PUM2: variants seen among roughly 807,000 people sequenced by gnomAD.
PUM2 encodes pumilio RNA binding family member 2, also known as pumilio homolog 2.
A neutral mutation model predicts 124.5 loss-of-function variants in PUM2; 57 were observed. The observed-to-expected ratio is 0.46, with a 90% confidence interval of 0.37 to 0.57. PUM2 has a LOEUF of 0.57. Ranked by LOEUF, PUM2 falls within the 20% of genes least tolerant of loss-of-function variation. The pLI, the probability that PUM2 is intolerant of heterozygous loss-of-function variation, is 0.00. For missense variants in PUM2, 1,065 were observed against 1,290.6 expected (o/e 0.83, Z 2.68); for synonymous variants, 460 against 446.1 (o/e 1.03, Z -0.39).
intron 2 of PUM2, chr2:20,326,319 G>C (rs1238201590): frequency 2.3e-6 from 3 of 1,303,782 alleles, no homozygotes; most frequent in Non-Finnish European, 3.0e-6. Flanking sequence ...CTGAAGAAGG[G>C]GAGGGTTAGC....
chr2:20,262,141 A>G (rs1239085598), intron 14 of PUM2, among the ~76,000 whole-genome samples: 4 of 152,300 alleles, frequency 2.6e-5, no homozygotes, highest in African/African-American at 7.2e-5. Context: ...TTGAAGAAAA[A>G]AAGTTTTAAA....
At chr2:20,272,190 T>TGAATGAAC (rs200540119) in intron 13 of PUM2, among the ~76,000 whole-genome samples, 1 of 147,022 alleles carries the variant, frequency 6.8e-6, no homozygotes, top group Non-Finnish European at 1.5e-5. Context: ...AATGAATGAA[T>TGAATGAAC]AAATAAATAA....
At chr2:20,332,297 G>A (rs1338471435) in intron 1 of PUM2, among the ~76,000 whole-genome samples, 7 of 78,560 alleles carry the variant, frequency 8.9e-5, no homozygotes, top group Non-Finnish European at 1.7e-4. Flanking sequence ...GTGTGTGTGT[G>A]TGTGTGTGTG....
Position 20,251,350 on chromosome 2 carries a change from G to T in PUM2, c.*235C>A. 2.8e-6 allele frequency: 1 copy of T among 357,198 alleles called. No homozygotes were observed. The highest frequency in any genetic ancestry group is 5.0e-6 in the Non-Finnish European group (1 of 200,542). The allele number at this position is 357,198 out of a possible 1,614,324, so 22.1% of individuals were successfully genotyped here. On this transcript the variant is annotated 3_prime_UTR_variant, in exon 21 of 21. Coordinates refer to ENST00000361078, the MANE Select transcript of PUM2 (RefSeq NM_015317.5). ...TATACAGGCATTCTGTGCTTTGCCA[G>T]CAATCCAATCTGATAGGTCTCCACT... is the stretch of plus-strand genomic sequence containing the variant.
intron 20 of PUM2, among the ~76,000 whole-genome samples, chr2:20,253,344 C>T (rs1173978339): frequency 1.3e-5 from 2 of 152,062 alleles, no homozygotes; most frequent in Admixed American, 1.3e-4. Context: ...TAGCTGGGAC[C>T]ACAGGCATGT....
At chr2:20,343,216 G>A (rs1271439225) in intron 1 of PUM2, among the ~76,000 whole-genome samples, 1 of 152,042 alleles carries the variant, frequency 6.6e-6, no homozygotes, top group East Asian at 1.9e-4. Flanking sequence ...CTATCTTAAA[G>A]GAAATATACA....
chr2:20,310,914 A>G (rs752417882), intron 5 of PUM2, among the ~76,000 whole-genome samples: 3 of 152,084 alleles, frequency 2.0e-5, no homozygotes, highest in East Asian at 3.8e-4. Context: ...AAAGACAACA[A>G]AAGGCTACAA....
intron 19 of PUM2, 75 bp downstream of exon 19, chr2:20,254,781 TGCTACAC>T: frequency 7.1e-7 from 1 of 1,406,450 alleles, no homozygotes; most frequent in Non-Finnish European, 9.8e-7. Context: ...TAATGCTACA[TGCTACAC>T]GTATTTCTGT....
intron 7 of PUM2, among the ~76,000 whole-genome samples, chr2:20,303,435 GTT>G (rs11444507): frequency 7.7e-6 from 1 of 129,778 alleles, no homozygotes. Flanking sequence ...AAGCTTTCAA[GTT>G]TTTTTTTTTT....
chr2:20,255,630 G>A (rs1293518001), intron 17 of PUM2, among the ~76,000 whole-genome samples: 3 of 152,178 alleles, frequency 2.0e-5, no homozygotes, highest in Non-Finnish European at 2.9e-5. Flanking sequence ...GGTGAAAAGA[G>A]AAAGGGTAGT....
At chr2:20,328,176 A>G (rs1189902933) in intron 1 of PUM2, among the ~76,000 whole-genome samples, 1 of 152,224 alleles carries the variant, frequency 6.6e-6, no homozygotes, top group Non-Finnish European at 1.5e-5. Flanking sequence ...TCTACCAAAA[A>G]TACAAAAAAA....
intron 3 of PUM2, among the ~76,000 whole-genome samples, chr2:20,315,206 G>GT (rs937301973): frequency 1.1e-4 from 16 of 151,610 alleles, no homozygotes; most frequent in East Asian, 7.7e-4. Context: ...GCTGATAAGG[G>GT]TTAAAAAAAA....
At chr2:20,326,957 A>C (rs1452904685) in intron 2 of PUM2, among the ~76,000 whole-genome samples, 1 of 152,108 alleles carries the variant, frequency 6.6e-6, no homozygotes, top group Non-Finnish European at 1.5e-5. Flanking sequence ...GAATAGTAAA[A>C]CAAGTATGGC....
At chr2:20,261,108 T>A (rs550658072) in intron 14 of PUM2, among the ~76,000 whole-genome samples, 1 of 152,214 alleles carries the variant, frequency 6.6e-6, no homozygotes, top group Admixed American at 6.5e-5. Context: ...AAGTATAGTA[T>A]GGCCGGGTGC....
chr2:20,294,557 G>T (rs1447466620), intron 8 of PUM2, 39 bp from the exon 9 acceptor site: 2 of 1,556,454 alleles, frequency 1.3e-6, no homozygotes, highest in East Asian at 4.6e-5. Context: ...AAAGTTACTA[G>T]ATTTTACATA....
rs76264694 is a variant in PUM2 at position 20,292,296 on chromosome 2, GTT to G, written c.1153-1508_1153-1507del. ...TCAGGCCCATGGCTGACAGTTGGTAGTTTTTTTTTTTTTTTTCCCCAAAGATT... is the reference window on the plus strand; with the variant it reads ...TCAGGCCCATGGCTGACAGTTGGTAGTTTTTTTTTTTTTTCCCCAAAGATT... On this transcript the variant is annotated intron_variant, in intron 9 of 20. Transcript: ENST00000361078. Among the ~76,000 whole-genome samples the G allele has an allele frequency of 7.0e-3, 966 of 138,342 alleles. 5 individuals are homozygous for G. Among genetic ancestry groups the G allele is most frequent in the Middle Eastern group, 0.012 (3 of 254 alleles). 90.8% of individuals were successfully genotyped at this position (138,342 alleles called of 152,430 possible).
At chr2:20,314,136 CT>C (rs1417251561) in intron 3 of PUM2, among the ~76,000 whole-genome samples, 1 of 152,062 alleles carries the variant, frequency 6.6e-6, no homozygotes, top group African/African-American at 2.4e-5. Flanking sequence ...ACATGAGACC[CT>C]GCTCCCCACT....
intron 8 of PUM2, among the ~76,000 whole-genome samples, chr2:20,297,132 C>T (rs76274443): frequency 0.038 from 5,785 of 152,222 alleles, 132 homozygotes; most frequent in Middle Eastern, 0.082. Flanking sequence ...ATTTTAGATA[C>T]ATATTTTCTC....
chr2:20,272,409 T>A (rs1669261673), intron 13 of PUM2, among the ~76,000 whole-genome samples: 1 of 152,208 alleles, frequency 6.6e-6, no homozygotes, highest in Non-Finnish European at 1.5e-5. Context: ...GATATTCAAC[T>A]ACTCCTGCCC....
Sources: allele counts gnomAD v4.1 joint callset (sites outside exome capture counted in the v4.1 genomes callset), GRCh38; gene constraint gnomAD v4.1.1; transcripts MANE v1.5; gene names NCBI Gene and HGNC (gene_info 2026-07-23, HGNC 2026-07-21).